The following GPC3 variants were observed in gnomAD, a reference collection of about 807,000 sequenced individuals.
The protein encoded by GPC3 is glypican 3.
A neutral mutation model predicts 34.4 loss-of-function variants in GPC3; 3 were observed. That is an observed-to-expected ratio of 0.09 (90% CI 0.04 to 0.23). GPC3 has a LOEUF of 0.23. GPC3 is among the 10% of genes least tolerant of loss of function. GPC3 has a pLI of 1.00. For synonymous variants in GPC3, 177 were observed against 174.0 expected (o/e 1.02, Z -0.13); for missense variants, 351 against 445.6 (o/e 0.79, Z 1.91).
chrX:133,852,692 T>C (rs1247200087), intron 2 of GPC3, among the ~76,000 whole-genome samples: 1 of 111,308 alleles, frequency 9.0e-6, no homozygotes, highest in East Asian at 2.8e-4. Flanking sequence ...GGAGGTGAAC[T>C]GAAGGTGGCC....
chrX:133,566,166 T>C lies in GPC3; in HGVS notation c.1574-29873A>G, dbSNP rs141156921. 5.4e-3 allele frequency among the ~76,000 whole-genome samples: 601 copies of C among 112,039 alleles called. 6 individuals are homozygous for C. The highest frequency in any genetic ancestry group is 0.018 in the African/African-American group (559 of 30,853). On this transcript the variant is annotated intron_variant, in intron 7 of 7. Coordinates refer to ENST00000370818, the MANE Select transcript of GPC3 (RefSeq NM_004484.4). ...ACAATTGAGCTTTACACATAGAACT[T>C]GTCAGGTTCCAACATGATATCACCA...
intron 2 of GPC3, among the ~76,000 whole-genome samples, chrX:133,792,142 G>C (rs1242381228): frequency 9.1e-6 from 1 of 110,372 alleles, no homozygotes; most frequent in East Asian, 2.9e-4. Flanking sequence ...GCCTCCCAAA[G>C]TGCTGTTACT....
intron 6 of GPC3, among the ~76,000 whole-genome samples, chrX:133,618,999 A>T (rs1164895101): frequency 3.6e-5 from 4 of 111,469 alleles, no homozygotes; most frequent in African/African-American, 1.3e-4. Flanking sequence ...ATAAAAAGGC[A>T]AATACCCAAT....
intron 2 of GPC3, among the ~76,000 whole-genome samples, chrX:133,891,799 C>CA (rs780717414): frequency 0.15 from 6,155 of 42,013 alleles, 284 homozygotes; most frequent in Middle Eastern, 0.26. Context: ...GACCTTGTCT[C>CA]AAAAAAAAAA....
At chrX:133,921,923 C>T (rs1043885368) in intron 2 of GPC3, among the ~76,000 whole-genome samples, 9 of 112,406 alleles carry the variant, frequency 8.0e-5, no homozygotes, top group Admixed American at 1.9e-4. Flanking sequence ...CTCCCCGCAA[C>T]AATGAGGGAC....
At chrX:133,930,780 C>T (rs1343795588) in intron 2 of GPC3, among the ~76,000 whole-genome samples, 3 of 111,514 alleles carry the variant, frequency 2.7e-5, no homozygotes, top group African/African-American at 9.8e-5. Context: ...GGACTACAGG[C>T]GCGTGTCACC....
chrX:133,664,978 T>G (rs951632032), intron 5 of GPC3, among the ~76,000 whole-genome samples: 2 of 111,470 alleles, frequency 1.8e-5, no homozygotes, highest in African/African-American at 6.5e-5. Context: ...GGACATATTT[T>G]CATGTTAGAA....
chrX:133,729,440 C>T (rs1603234941), intron 3 of GPC3, among the ~76,000 whole-genome samples: 1 of 111,426 alleles, frequency 9.0e-6, no homozygotes, highest in African/African-American at 3.3e-5. Context: ...GTTCCCTGTC[C>T]TACCCAGGCT....
intron 2 of GPC3, among the ~76,000 whole-genome samples, chrX:133,855,700 C>T (rs973254373): frequency 9.1e-6 from 1 of 109,694 alleles, no homozygotes; most frequent in African/African-American, 3.3e-5. Flanking sequence ...TTATGTTTTA[C>T]ACTGGATCTT....
chrX:133,866,952 C>G (rs1012122425), intron 2 of GPC3, among the ~76,000 whole-genome samples: 5 of 111,486 alleles, frequency 4.5e-5, no homozygotes, highest in African/African-American at 1.6e-4. Context: ...AATCCCAGCA[C>G]TTTGGGAGGC....
At chrX:133,919,019 C>G (rs2076236346) in intron 2 of GPC3, among the ~76,000 whole-genome samples, 1 of 111,852 alleles carries the variant, frequency 8.9e-6, no homozygotes, top group Admixed American at 9.5e-5. Flanking sequence ...CTAGGATACT[C>G]TCCTCCAGAA....
At chrX:133,849,769 T>C (rs1414990520) in intron 2 of GPC3, among the ~76,000 whole-genome samples, 1 of 111,303 alleles carries the variant, frequency 9.0e-6, no homozygotes, top group East Asian at 2.8e-4. Flanking sequence ...GAGGGCTGTC[T>C]TTACCTCTCT....
chrX:133,538,243 G>A (rs949386144), intron 7 of GPC3, among the ~76,000 whole-genome samples: 4 of 112,297 alleles, frequency 3.6e-5, no homozygotes, highest in African/African-American at 1.3e-4. Context: ...AGGGTGCACA[G>A]AGAAGGCCGA....
chrX:133,780,307 C>G (rs2072033470), intron 2 of GPC3, among the ~76,000 whole-genome samples: 1 of 111,697 alleles, frequency 9.0e-6, no homozygotes, highest in Non-Finnish European at 1.9e-5. Context: ...ATTTTCCCTG[C>G]CAAAACTATT....
At chrX:133,865,885 T>C (rs895036414) in intron 2 of GPC3, among the ~76,000 whole-genome samples, 5 of 112,258 alleles carry the variant, frequency 4.5e-5, no homozygotes, top group Non-Finnish European at 7.5e-5. Context: ...TACAGCGATG[T>C]CTGGAGGCAT....
chrX:133,680,565 A>C (rs762921322), intron 5 of GPC3, among the ~76,000 whole-genome samples: 1 of 112,377 alleles, frequency 8.9e-6, no homozygotes, highest in African/African-American at 3.2e-5. Context: ...ATTCTAAATG[A>C]GACAAACCCA....
chrX:133,696,755 A>C (rs2071122170), intron 4 of GPC3, among the ~76,000 whole-genome samples: 1 of 112,637 alleles, frequency 8.9e-6, no homozygotes, highest in African/African-American at 3.2e-5. Context: ...ATGTGATTGA[A>C]GGGAATGTTC....
intron 3 of GPC3, among the ~76,000 whole-genome samples, chrX:133,700,287 T>A (rs1241802683): frequency 9.0e-6 from 1 of 111,620 alleles, no homozygotes; most frequent in African/African-American, 3.3e-5. Context: ...TTTTCTACAG[T>A]GAAGTATACA....
chrX:133,839,927 C>CAAA (rs138981758), intron 2 of GPC3, among the ~76,000 whole-genome samples: 6 of 50,076 alleles, frequency 1.2e-4, no homozygotes, highest in Admixed American at 2.8e-4. Flanking sequence ...GACTCCGTTT[C>CAAA]AAAAAAAAAA....
Sources: allele counts gnomAD v4.1 joint callset (sites outside exome capture counted in the v4.1 genomes callset), GRCh38; gene constraint gnomAD v4.1.1; transcripts MANE v1.5; gene names NCBI Gene and HGNC (gene_info 2026-07-23, HGNC 2026-07-21).